The following TNIK variants were observed in gnomAD, a reference collection of about 807,000 sequenced individuals.
TNIK encodes the protein TRAF2 and NCK interacting kinase, also known as TRAF2 and NCK-interacting protein kinase.
A neutral mutation model predicts 191.3 loss-of-function variants in TNIK; 49 were observed. The ratio of observed to expected loss-of-function variants is 0.26; its 90% CI spans 0.20 to 0.32. The LOEUF is 0.32. Among genes scored for constraint, TNIK ranks in the 10% least tolerant of loss-of-function variants. TNIK has a pLI of 1.00. For missense variants in TNIK, 1,155 were observed against 1,702.3 expected (o/e 0.68, Z 5.66); for synonymous variants, 594 against 600.9 (o/e 0.99, Z 0.17).
At chr3:171,207,746 G>GGT (rs1740279090) in intron 4 of TNIK, among the ~76,000 whole-genome samples, 3 of 152,178 alleles carry the variant, frequency 2.0e-5, no homozygotes, top group African/African-American at 7.2e-5. Context: ...GAAACACAAA[G>GGT]ATATGTTAAC....
chr3:171,197,047 C>T (rs986485065), intron 4 of TNIK, among the ~76,000 whole-genome samples: 3 of 152,200 alleles, frequency 2.0e-5, no homozygotes, highest in Non-Finnish European at 4.4e-5. Flanking sequence ...TGAGCCACCA[C>T]ACCTGGCCAG....
At position 171,322,839 on chromosome 3, in the gene TNIK, C is replaced by CT. The variant is rs10617013; in HGVS notation, c.123+46780dup. On this transcript the variant is annotated intron_variant, in intron 2 of 32. Coordinates refer to ENST00000436636, the MANE Select transcript of TNIK (RefSeq NM_015028.4). ...GTTGTTATTATTGTTGTTTTCTTTT[C>CT]TTTTTTTTTTTTTTTTTAAGTGCAA... Among the ~76,000 whole-genome samples the CT allele has an allele frequency of 2.4e-3, 323 of 136,338 alleles. 1 individual carries two copies. The highest frequency in any genetic ancestry group is 0.019 in the Middle Eastern group (5 of 270). The allele number at this position is 136,338 out of a possible 152,430, so 89.4% of individuals were successfully genotyped here. A position where few individuals can be genotyped will look rare whatever the true frequency, so the allele number is the denominator to read the frequency against.
chr3:171,385,968 C>T (rs1718673482), intron 1 of TNIK, among the ~76,000 whole-genome samples: 1 of 152,144 alleles, frequency 6.6e-6, no homozygotes, highest in African/African-American at 2.4e-5. Flanking sequence ...TTCTCCCAGG[C>T]AAATGAACAA....
At chr3:171,190,046 T>C (rs1217988259) in intron 6 of TNIK, among the ~76,000 whole-genome samples, 2 of 152,216 alleles carry the variant, frequency 1.3e-5, no homozygotes, top group African/African-American at 4.8e-5. Context: ...CATATCCTAC[T>C]GGATATTTGT....
At chr3:171,175,473 G>A (rs1735852463) in intron 8 of TNIK, 143 bp from the exon 9 acceptor site, 1 of 639,250 alleles carries the variant, frequency 1.6e-6, no homozygotes, top group African/African-American at 1.8e-5. Flanking sequence ...ATATCCAAAT[G>A]CTTCTGAGCA....
chr3:171,205,872 A>T (rs1231020892), intron 4 of TNIK, among the ~76,000 whole-genome samples: 1 of 152,178 alleles, frequency 6.6e-6, no homozygotes, highest in Non-Finnish European at 1.5e-5. Flanking sequence ...GGTTCTTTTT[A>T]TGAGGGCACT....
intron 21 of TNIK, among the ~76,000 whole-genome samples, chr3:171,103,353 A>G (rs1156987175): frequency 6.6e-6 from 1 of 152,140 alleles, no homozygotes; most frequent in East Asian, 1.9e-4. Flanking sequence ...ATGTTATGCA[A>G]ATTTCTGGTT....
At position 171,418,019 on chromosome 3, in the gene TNIK, G is replaced by A. The variant is rs548157388; in HGVS notation, c.57+41988C>T. ...GAAAAAGAGATTACATGTGTGGTCT[G>A]GGTCCAGCCATGACCCAGCTGTACA... On this transcript the variant is annotated intron_variant, in intron 1 of 32. Transcript: ENST00000436636. Among the ~76,000 whole-genome samples, 111 of 152,170 alleles carry A rather than the reference G, an allele frequency of 7.3e-4. 3 individuals carry two copies. The South Asian group carries it at 0.019, about 27-fold the overall frequency.
chr3:171,088,237 C>CTTT (rs760417147), intron 23 of TNIK, among the ~76,000 whole-genome samples: 6 of 142,890 alleles, frequency 4.2e-5, no homozygotes, highest in African/African-American at 1.5e-4. Context: ...AAAGGTTTTT[C>CTTT]TTTTTTTTTT....
intron 2 of TNIK, among the ~76,000 whole-genome samples, chr3:171,319,507 TG>T (rs1754966667): frequency 6.6e-6 from 1 of 151,936 alleles, no homozygotes; most frequent in Admixed American, 6.6e-5. Flanking sequence ...TGGGAAGATT[TG>T]GGGGAAAAAA....
At chr3:171,146,660 C>A (rs1012297752) in intron 12 of TNIK, among the ~76,000 whole-genome samples, 3 of 152,108 alleles carry the variant, frequency 2.0e-5, no homozygotes, top group Admixed American at 2.0e-4. Context: ...GAGGCCAAGG[C>A]GAGCGGATCA....
In TNIK at chr3:171,278,469, C is replaced by A. The variant is rs1011839421; in HGVS notation, c.124-50248G>T. ...GGCATTCAAAGATATCCTATAGATACTTATTTTTTTAAAAAAGATAAAAAA... is the reference window on the plus strand; with the variant it reads ...GGCATTCAAAGATATCCTATAGATAATTATTTTTTTAAAAAAGATAAAAAA... On this transcript the variant is annotated intron_variant, in intron 2 of 32. Coordinates refer to ENST00000436636, the MANE Select transcript of TNIK (RefSeq NM_015028.4). 2.6e-5 allele frequency among the ~76,000 whole-genome samples: 4 copies of A among 152,076 alleles called. No homozygotes were observed. The South Asian group carries it at 8.3e-4, about 32-fold the overall frequency.
intron 22 of TNIK, among the ~76,000 whole-genome samples, chr3:171,095,086 T>A (rs984531128): frequency 2.0e-5 from 3 of 152,246 alleles, no homozygotes; most frequent in African/African-American, 7.2e-5. Context: ...TCAGCCTCTG[T>A]AATCATCCTG....
intron 2 of TNIK, among the ~76,000 whole-genome samples, chr3:171,229,919 A>G (rs1743405071): frequency 1.3e-5 from 2 of 152,168 alleles, no homozygotes; most frequent in Admixed American, 6.5e-5. Flanking sequence ...GCCCTGGACC[A>G]GAATCCCAGA....
chr3:171,384,253 G>T (rs143620851), intron 1 of TNIK, among the ~76,000 whole-genome samples: 1 of 152,196 alleles, frequency 6.6e-6, no homozygotes, highest in Non-Finnish European at 1.5e-5. Context: ...GCACTTGGAA[G>T]GCAACTCTCC....
intron 18 of TNIK, among the ~76,000 whole-genome samples, chr3:171,119,097 A>G (rs1727240406): frequency 6.6e-6 from 1 of 152,228 alleles, no homozygotes; most frequent in South Asian, 2.1e-4. Context: ...ACAAATTTAT[A>G]AGAAAAAAAC....
intron 9 of TNIK, among the ~76,000 whole-genome samples, chr3:171,168,872 C>G (rs999339329): frequency 6.6e-6 from 1 of 152,134 alleles, no homozygotes; most frequent in African/African-American, 2.4e-5. Context: ...TGAGTGAATG[C>G]GTGATGAAGG....
chr3:171,374,368 C>T (rs909462098), intron 1 of TNIK, among the ~76,000 whole-genome samples: 1 of 152,128 alleles, frequency 6.6e-6, no homozygotes, highest in African/African-American at 2.4e-5. Context: ...CAGAATGTGG[C>T]CAACAGAATG....
At chr3:171,178,963 G>T (rs922486811) in intron 7 of TNIK, among the ~76,000 whole-genome samples, 1 of 152,118 alleles carries the variant, frequency 6.6e-6, no homozygotes, top group Non-Finnish European at 1.5e-5. Context: ...GACACTCAGG[G>T]CTCTTCAGTA....
Sources: allele counts gnomAD v4.1 joint callset (sites outside exome capture counted in the v4.1 genomes callset), GRCh38; gene constraint gnomAD v4.1.1; transcripts MANE v1.5; gene names NCBI Gene and HGNC (gene_info 2026-07-23, HGNC 2026-07-21).